The following SSR1 variants were observed in gnomAD, a reference collection of about 807,000 sequenced individuals.
The protein encoded by SSR1 is translocon-associated protein subunit alpha.
A neutral mutation model predicts 36.1 loss-of-function variants in SSR1; 13 were observed. The observed-to-expected ratio is 0.36, with a 90% CI of 0.23 to 0.57. The LOEUF is 0.57. SSR1 is among the 20% of genes least tolerant of loss of function. SSR1 has a pLI of 0.81. For synonymous variants in SSR1, 113 were observed against 118.9 expected (o/e 0.95, Z 0.32); for missense variants, 291 against 338.5 (o/e 0.86, Z 1.10).
At chr6:7,308,962 G>A (rs908950322) in intron 2 of SSR1, among the ~76,000 whole-genome samples, 10 of 152,152 alleles carry the variant, frequency 6.6e-5, no homozygotes, top group African/African-American at 1.7e-4. Flanking sequence ...ATGAGGTCCA[G>A]TGCTATTTCT....
At chr6:7,302,257 T>C (rs920425288) in intron 3 of SSR1, among the ~76,000 whole-genome samples, 2 of 152,244 alleles carry the variant, frequency 1.3e-5, no homozygotes, top group African/African-American at 4.8e-5. Context: ...TGAGTTTCAC[T>C]GAGTACAGCA....
In SSR1 at chr6:7,288,526, T is replaced by C. The variant is rs754637164; in HGVS notation, c.*1338A>G. On this transcript the variant is annotated 3_prime_UTR_variant, in exon 8 of 8. Transcript: ENST00000244763. ...TTTTTTGTCTGTGTGGGCATGAGCA[T>C]AGGGGAGGTTATACTGAAAAGGAGA... 1.3e-5 allele frequency: 2 copies of C among 152,552 alleles called. No individual in the cohort carries two copies. The highest frequency in any genetic ancestry group is 2.9e-5 in the Non-Finnish European group (2 of 68,014). The allele number at this position is 152,552 out of a possible 1,614,324, so 9.4% of individuals were successfully genotyped here. A position where few individuals can be genotyped will look rare whatever the true frequency, so the allele number is the denominator to read the frequency against.
In SSR1 at chr6:7,298,819, T is replaced by G; in HGVS notation, c.548A>C (p.Asn183Thr). 1 of 1,611,924 alleles carries G rather than the reference T, an allele frequency of 6.2e-7. No individual in the cohort carries two copies. Among genetic ancestry groups the G allele is most frequent in the Non-Finnish European group, 8.5e-7 (1 of 1,178,914 alleles). The change falls in exon 5 of 8, where the codon AAT becomes ACT. Residue 183 changes from asparagine (N) to threonine (T), a missense_variant. Coordinates refer to ENST00000244763, the MANE Select transcript of SSR1 (RefSeq NM_003144.5). ...ATTGAAGACTGCATCTTGGAATACA[T>G]TGCCCTGTTTAAGAAAATAAAATAA... Reference protein sequence around the residue: ...INLNYKDLNGNVFQDAVFNQT... With the variant: ...INLNYKDLNGTVFQDAVFNQT...
chr6:7,306,346 T>G (rs1758053027), intron 2 of SSR1, among the ~76,000 whole-genome samples: 2 of 152,004 alleles, frequency 1.3e-5, no homozygotes, highest in South Asian at 4.2e-4. Context: ...GGTTTCACCA[T>G]GTTAGCCAGG....
At chr6:7,300,408 T>C (rs1757908740) in intron 4 of SSR1, among the ~76,000 whole-genome samples, 1 of 152,170 alleles carries the variant, frequency 6.6e-6, no homozygotes, top group East Asian at 1.9e-4. Context: ...GTATACATTA[T>C]TAAAAATCAT....
chr6:7,286,247 A>G lies in SSR1; in HGVS notation c.*3617T>C, dbSNP rs1260193004. 6.6e-6 allele frequency: 1 copy of G among 152,156 alleles called. No homozygotes were observed. Among genetic ancestry groups the G allele is most frequent in the East Asian group, 1.9e-4 (1 of 5,200 alleles). 9.4% of individuals were successfully genotyped at this position (152,156 alleles called of 1,614,324 possible). A position where few individuals can be genotyped will look rare whatever the true frequency, so the allele number is the denominator to read the frequency against. On this transcript the variant is annotated 3_prime_UTR_variant, in exon 8 of 8. Coordinates refer to ENST00000244763, the MANE Select transcript of SSR1 (RefSeq NM_003144.5). ...AGAGCTATTATCCCTAAATTTCAAA[A>G]TCTAAAAAAAAAACCTTAGAACCTC...
chr6:7,301,096 C>T (rs1757923203), intron 4 of SSR1, among the ~76,000 whole-genome samples: 3 of 152,200 alleles, frequency 2.0e-5, no homozygotes, highest in Admixed American at 2.0e-4. Flanking sequence ...TAGTATGCAT[C>T]ACTTATCAGC....
chr6:7,305,395 C>A (rs1758033386), intron 2 of SSR1, among the ~76,000 whole-genome samples: 1 of 152,174 alleles, frequency 6.6e-6, no homozygotes, highest in Admixed American at 6.5e-5. Context: ...GTGACCTTAG[C>A]AATACTAGTT....
chr6:7,313,192 CT>C lies in SSR1; in HGVS notation c.-73del. 3 of 1,418,696 alleles carry C rather than the reference CT, an allele frequency of 2.1e-6. No homozygotes were observed. Among genetic ancestry groups the C allele is most frequent in the Non-Finnish European group, 2.9e-6 (3 of 1,045,084 alleles). The allele number at this position is 1,418,696 out of a possible 1,614,324, so 87.9% of individuals were successfully genotyped here. A position where few individuals can be genotyped will look rare whatever the true frequency, so the allele number is the denominator to read the frequency against. ...CGGCTCCGGCGGTAATGGCGTTACT[CT>C]TCATCCGGGCTCCGGGCAGCGAGGG... On this transcript the variant is annotated 5_prime_UTR_variant, in exon 1 of 8. Transcript: ENST00000244763.
At chr6:7,310,172 C>A (rs1758158590) in intron 1 of SSR1, 143 bp from the exon 2 acceptor site, 5 of 608,270 alleles carry the variant, frequency 8.2e-6, no homozygotes, top group African/African-American at 3.7e-5. Flanking sequence ...TTACAATGCA[C>A]CGAAGAATAT....
In SSR1 at chr6:7,286,206, G is replaced by A. The variant is rs977157945; in HGVS notation, c.*3658C>T. The A allele has an allele frequency of 6.6e-6, 1 of 151,926 alleles. No homozygotes were observed. Among genetic ancestry groups the A allele is most frequent in the Admixed American group, 6.6e-5 (1 of 15,250 alleles). 9.4% of individuals were successfully genotyped at this position (151,926 alleles called of 1,614,324 possible). On this transcript the variant is annotated 3_prime_UTR_variant, in exon 8 of 8. Transcript: ENST00000244763. ...TCCCCCTTTCTTAAACTGCAGCAAA[G>A]TGGTACCCAAACCTAAGAGCTATTA...
chr6:7,306,660 T>G (rs915778759), intron 2 of SSR1, among the ~76,000 whole-genome samples: 1 of 150,346 alleles, frequency 6.7e-6, no homozygotes, highest in Non-Finnish European at 1.5e-5. Flanking sequence ...CTCATGCCTG[T>G]AATCCCAGCA....
At chr6:7,298,680 C>T in intron 5 of SSR1, 67 bp downstream of exon 5, 1 of 1,231,764 alleles carries the variant, frequency 8.1e-7, no homozygotes, top group Non-Finnish European at 1.2e-6. Flanking sequence ...AATGCTGAAA[C>T]AGAGCAAGCT....
chr6:7,289,673 A>G lies in SSR1; in HGVS notation c.*191T>C, dbSNP rs1581625578. On this transcript the variant is annotated 3_prime_UTR_variant, in exon 8 of 8. Transcript: ENST00000244763. ...ATTTTAATGGTTTAAAAAAAAACCA[A>G]ATTTGTTACTTTAGAAAAATGAATG... is the stretch of plus-strand genomic sequence containing the variant. 1 of 587,222 alleles carries G rather than the reference A, an allele frequency of 1.7e-6. No individual in the cohort carries two copies. The highest frequency in any genetic ancestry group is 2.4e-5 in the South Asian group (1 of 42,428). 36.4% of individuals were successfully genotyped at this position (587,222 alleles called of 1,614,324 possible). A position where few individuals can be genotyped will look rare whatever the true frequency, so the allele number is the denominator to read the frequency against.
rs2113254477 is a variant in SSR1 at position 7,281,603 on chromosome 6, G to A, written c.*8261C>T. 1 of 152,330 alleles carries A rather than the reference G, an allele frequency of 6.6e-6. No homozygotes were observed. Among genetic ancestry groups the A allele is most frequent in the South Asian group, 2.1e-4 (1 of 4,834 alleles). 9.4% of individuals were successfully genotyped at this position (152,330 alleles called of 1,614,324 possible). ...TTCTTCAATGTTCTCTGAGTTGTTA[G>A]ATTTCAAAGTGAAGAGAACTGAAAT... On this transcript the variant is annotated 3_prime_UTR_variant, in exon 8 of 8. Coordinates refer to ENST00000244763, the MANE Select transcript of SSR1 (RefSeq NM_003144.5).
intron 3 of SSR1, 65 bp downstream of exon 3, chr6:7,303,485 T>C: frequency 8.9e-7 from 1 of 1,124,970 alleles, no homozygotes; most frequent in Non-Finnish European, 1.3e-6. Flanking sequence ...TATTCAGATA[T>C]ATATGAACAA....
chr6:7,304,195 C>A (rs1758001819), intron 2 of SSR1, among the ~76,000 whole-genome samples: 1 of 152,166 alleles, frequency 6.6e-6, no homozygotes, highest in Admixed American at 6.5e-5. Flanking sequence ...CCAGAAAATG[C>A]CAAAGCTGCT....
At position 7,283,130 on chromosome 6, in the gene SSR1, A is replaced by C. The variant is rs1358339107; in HGVS notation, c.*6734T>G. 3 of 152,232 alleles carry C rather than the reference A, an allele frequency of 2.0e-5. No individual in the cohort carries two copies. The highest frequency in any genetic ancestry group is 4.4e-5 in the Non-Finnish European group (3 of 68,072). 9.4% of individuals were successfully genotyped at this position (152,232 alleles called of 1,614,324 possible). On this transcript the variant is annotated 3_prime_UTR_variant, in exon 8 of 8. Coordinates refer to ENST00000244763, the MANE Select transcript of SSR1 (RefSeq NM_003144.5). ...AGTCTCACTCTGTCACCCAGGCTGG[A>C]GTGCAGTGGTGCAACCTTGACTCAC...
At chr6:7,297,581 G>A (rs560766767) in intron 6 of SSR1, among the ~76,000 whole-genome samples, 213 of 151,768 alleles carry the variant, frequency 1.4e-3, no homozygotes, top group Non-Finnish European at 2.4e-3. Flanking sequence ...TAAAATTAGC[G>A]GGGTGTGGTG....
Sources: allele counts gnomAD v4.1 joint callset (sites outside exome capture counted in the v4.1 genomes callset), GRCh38; gene constraint gnomAD v4.1.1; transcripts MANE v1.5; gene names NCBI Gene and HGNC (gene_info 2026-07-23, HGNC 2026-07-21).